Variants in DNAH9 observed in about 807,000 individuals in gnomAD.
DNAH9 encodes the protein dynein axonemal heavy chain 9.
In DNAH9, 345 loss-of-function variants were observed where a neutral mutation model predicts 471.6. The observed-to-expected ratio is 0.73, with a 90% confidence interval of 0.67 to 0.80. The LOEUF (loss-of-function observed/expected upper bound fraction) is 0.80. Ranked by LOEUF, DNAH9 falls within the 30% of genes least tolerant of loss-of-function variation. DNAH9 has a pLI of 0.00. For synonymous variants in DNAH9, 2,093 were observed against 2,123.6 expected (o/e 0.99, Z 0.40); for missense variants, 5,407 against 5,609.2 (o/e 0.96, Z 1.15).
Position 11,727,047 on chromosome 17 carries a change from C to CAAAAAAAAAAA in DNAH9, c.5710-751_5710-741dup, listed in dbSNP as rs55659834. On this transcript the variant is annotated intron_variant, in intron 27 of 68. Coordinates refer to ENST00000262442, the MANE Select transcript of DNAH9 (RefSeq NM_001372.4). ...TGGGCAACAGAGTGAGACTCCGTCT[C>CAAAAAAAAAAA]AAAAAAAAAAAAAAAAAAAAAAAAA... 6.4e-4 allele frequency among the ~76,000 whole-genome samples: 44 copies of CAAAAAAAAAAA among 68,474 alleles called. 3 individuals carry two copies. Among genetic ancestry groups the CAAAAAAAAAAA allele is most frequent in the African/African-American group, 2.5e-3 (39 of 15,746 alleles). The allele number at this position is 68,474 out of a possible 152,430, so 44.9% of individuals were successfully genotyped here.
chr17:11,801,739 T>G (rs573732496), intron 43 of DNAH9, among the ~76,000 whole-genome samples: 1 of 152,226 alleles, frequency 6.6e-6, no homozygotes, highest in East Asian at 1.9e-4. Flanking sequence ...GTGAGTATTC[T>G]CTCTTCTCCT....
In DNAH9 at chr17:11,747,593, C is replaced by A. The variant is rs1469005444; in HGVS notation, c.6437C>A (p.Ser2146Tyr). ...GAGGAGCTCCTGGCTGTGCGGCACTCTGTATTTGTGGTGGGTGGCGCTGGT... is the reference window on the plus strand; with the variant it reads ...GAGGAGCTCCTGGCTGTGCGGCACTATGTATTTGTGGTGGGTGGCGCTGGT... ...QLEELLAVRH[S>Y]VFVVGGAGTG... The change falls in exon 32 of 69, where the codon TCT (serine) becomes TAT (tyrosine). Residue 2146 changes from serine (S) to tyrosine (Y), a missense_variant. Physicochemically the swap from Ser to Tyr is moderately radical, Grantham distance 144. This residue lies in a region of DNAH9 where 4,636 missense variants were observed against 4,900.3 expected (regional missense o/e 0.95). Transcript: ENST00000262442. The A allele has an allele frequency of 6.2e-7, 1 of 1,614,040 alleles. No homozygotes were observed. Among genetic ancestry groups the A allele is most frequent in the East Asian group, 2.2e-5 (1 of 44,854 alleles).
At chr17:11,837,615 T>C (rs923684901) in intron 49 of DNAH9, among the ~76,000 whole-genome samples, 1 of 152,204 alleles carries the variant, frequency 6.6e-6, no homozygotes, top group African/African-American at 2.4e-5. Context: ...AATCCAACAC[T>C]GTCTTTGTCC....
At chr17:11,736,413 G>A (rs2075347897) in intron 28 of DNAH9, among the ~76,000 whole-genome samples, 2 of 152,180 alleles carry the variant, frequency 1.3e-5, no homozygotes, top group Admixed American at 1.3e-4. Flanking sequence ...ACCTGTGTGT[G>A]TACTTCCGTC....
intron 51 of DNAH9, 137 bp downstream of exon 51, chr17:11,869,390 G>A (rs1972179287): frequency 6.3e-6 from 8 of 1,277,098 alleles, no homozygotes; most frequent in Non-Finnish European, 8.4e-6. Context: ...TGAAATGCAG[G>A]AATTGAGTCC....
At chr17:11,687,924 A>G (rs572405165) in intron 19 of DNAH9, among the ~76,000 whole-genome samples, 7 of 151,744 alleles carry the variant, frequency 4.6e-5, no homozygotes, top group Non-Finnish European at 8.8e-5. Context: ...TCATGAGGTC[A>G]GGAGATGGAG....
chr17:11,629,559 C>G lies in DNAH9; in HGVS notation c.1493C>G (p.Ser498Cys). ...EMYRLLSGSS[S>C]DCLYLQSTDF... ...TACAGGCTTCTCTCAGGATCCTCCT[C>G]CGACTGCCTGTACCTCCAAAGCACG... is the stretch of plus-strand genomic sequence containing the variant. The change falls in exon 7 of 69, where the codon TCC becomes TGC. Residue 498 changes from serine to cysteine, a missense_variant. Coordinates refer to ENST00000262442, the MANE Select transcript of DNAH9 (RefSeq NM_001372.4). The G allele has an allele frequency of 6.2e-7, 1 of 1,613,888 alleles. No individual in the cohort carries two copies. Among genetic ancestry groups the G allele is most frequent in the Non-Finnish European group, 8.5e-7 (1 of 1,179,956 alleles).
intron 67 of DNAH9, among the ~76,000 whole-genome samples, chr17:11,961,125 A>G (rs1989348): frequency 0.43 from 65,134 of 151,830 alleles, 14,938 homozygotes; most frequent in Middle Eastern, 0.56. Flanking sequence ...GACCAGCCAG[A>G]CCAACATGGT....
At chr17:11,606,962 C>A (rs1567659541) in intron 1 of DNAH9, among the ~76,000 whole-genome samples, 1 of 152,196 alleles carries the variant, frequency 6.6e-6, no homozygotes, top group Non-Finnish European at 1.5e-5. Flanking sequence ...GCCTGACTCT[C>A]ACTGGCTCAG....
At chr17:11,731,356 G>A (rs2075265563) in intron 28 of DNAH9, among the ~76,000 whole-genome samples, 1 of 151,104 alleles carries the variant, frequency 6.6e-6, no homozygotes, top group African/African-American at 2.4e-5. Context: ...GATACACAGG[G>A]TAGGGAAAAA....
At chr17:11,734,760 A>C (rs1163469210) in intron 28 of DNAH9, among the ~76,000 whole-genome samples, 1 of 152,226 alleles carries the variant, frequency 6.6e-6, no homozygotes, top group Non-Finnish European at 1.5e-5. Context: ...GCTAAATCCC[A>C]TCCTGTACAA....
At position 11,806,789 on chromosome 17, in the gene DNAH9, G is replaced by C. The variant is rs769865674; in HGVS notation, c.8421-943G>C. Among the ~76,000 whole-genome samples, 4 of 152,224 alleles carry C rather than the reference G, an allele frequency of 2.6e-5. No individual in the cohort carries two copies. In the East Asian group the frequency reaches 7.7e-4, roughly 29 times the overall value. On this transcript the variant is annotated intron_variant, in intron 43 of 68. Coordinates refer to ENST00000262442, the MANE Select transcript of DNAH9 (RefSeq NM_001372.4). ...CTGTGGATTTTTTTCTGTATTGTAC[G>C]CATTTTGTACAATGCAGAGCCATTG...
intron 14 of DNAH9, among the ~76,000 whole-genome samples, chr17:11,657,431 G>A (rs953236839): frequency 9.9e-5 from 15 of 152,028 alleles, no homozygotes; most frequent in Non-Finnish European, 1.3e-4. Context: ...TCTAGCAATC[G>A]TTTACAGCTT....
intron 41 of DNAH9, among the ~76,000 whole-genome samples, chr17:11,784,804 G>A (rs1282610717): frequency 6.6e-6 from 1 of 152,080 alleles, no homozygotes; most frequent in Non-Finnish European, 1.5e-5. Flanking sequence ...GCTGCAGAAG[G>A]CTCAACACCT....
intron 49 of DNAH9, among the ~76,000 whole-genome samples, chr17:11,852,508 T>G (rs1971458888): frequency 1.3e-5 from 2 of 152,080 alleles, no homozygotes; most frequent in South Asian, 4.1e-4. Flanking sequence ...AGTTTATGCC[T>G]GCCTGACCAT....
chr17:11,783,683 A>G lies in DNAH9; in HGVS notation c.7756A>G (p.Asn2586Asp). ...RSKLSLKEIT[N>D]VQYVSCMNPT... The stretch of plus-strand genomic sequence containing the variant: ...CAAGCTGTCCCTAAAGGAGATCACA[A>G]ATGTACAGTATGTTTCCTGTATGAA... Residue 2586 changes from asparagine to aspartate, a missense_variant, in exon 40 of 69, where the codon AAT (asparagine) becomes GAT (aspartate). Coordinates refer to ENST00000262442, the MANE Select transcript of DNAH9 (RefSeq NM_001372.4). 3.1e-6 allele frequency: 5 copies of G among 1,614,048 alleles called. No homozygotes were observed. The highest frequency in any genetic ancestry group is 4.2e-6 in the Non-Finnish European group (5 of 1,180,014).
rs755348974 is a variant in DNAH9 at position 11,768,527 on chromosome 17, A to G, written c.7245A>G (p.Gly2415=). Residue 2415 remains glycine (G), a synonymous_variant, in exon 37 of 69, where the codon GGA becomes GGG. Transcript: ENST00000262442. ...AAACAGTCAAGTTTCCTTCCCAAGG[A>G]ACCATCTTTGACTATTACATCGACC... is the stretch of plus-strand genomic sequence containing the variant. ...EFKTVKFPSQ[G]TIFDYYIDPE... 2.5e-6 allele frequency: 4 copies of G among 1,614,162 alleles called. No homozygotes were observed. The Admixed American group carries it at 6.7e-5, about 27-fold the overall frequency.
chr17:11,880,047 C>T (rs749398208), intron 53 of DNAH9, 31 bp from the exon 54 acceptor site: 1 of 1,612,680 alleles, frequency 6.2e-7, no homozygotes, highest in Non-Finnish European at 8.5e-7. Flanking sequence ...GCCACAGTCT[C>T]ATACTCCCGG....
chr17:11,658,396 TGTA>T (rs1241379993), intron 14 of DNAH9, among the ~76,000 whole-genome samples: 1 of 152,202 alleles, frequency 6.6e-6, no homozygotes, highest in Non-Finnish European at 1.5e-5. Flanking sequence ...ATTTATTAGA[TGTA>T]GTAATTGCTT....
Sources: gnomAD v4.1 joint callset for allele counts (sites outside exome capture counted in the v4.1 genomes callset) on GRCh38, gnomAD v4.1.1 for gene constraint, gnomAD v4.1.1 regional missense constraint, MANE v1.5 for transcripts, NCBI Gene and HGNC (gene_info 2026-07-23, HGNC 2026-07-21) for gene names.